The following RUVBL1 variants were observed in gnomAD, a reference collection of about 807,000 sequenced individuals.
RUVBL1 encodes ruvB-like 1.
RUVBL1 carries 4 observed loss-of-function variants against 52.4 expected under a neutral mutation model. That is an observed-to-expected ratio of 0.08 (90% confidence interval 0.04 to 0.17). RUVBL1 has a LOEUF of 0.17. Among genes scored for constraint, RUVBL1 ranks in the 10% least tolerant of loss-of-function variants. The pLI is 1.00. For missense variants in RUVBL1, 298 were observed against 572.8 expected (o/e 0.52, Z 4.90); for synonymous variants, 217 against 214.4 (o/e 1.01, Z -0.10).
chr3:128,085,091 G>A (rs922830478), intron 9 of RUVBL1: 2 of 152,228 alleles, frequency 1.3e-5, no homozygotes, highest in East Asian at 1.9e-4. Context: ...TGGCTATTGC[G>A]AAGCTGTTGT....
chr3:128,143,414 G>A (rs878981766), intron 1 of RUVBL1, among the ~76,000 whole-genome samples: 2 of 151,364 alleles, frequency 1.3e-5, no homozygotes, highest in South Asian at 2.1e-4. Flanking sequence ...CTTGTGATTC[G>A]CCCTTCTCAG....
chr3:128,142,492 T>C (rs1188412868), intron 1 of RUVBL1, among the ~76,000 whole-genome samples: 3 of 152,232 alleles, frequency 2.0e-5, no homozygotes, highest in African/African-American at 7.2e-5. Flanking sequence ...TAAGTGTTTA[T>C]ATTGGTTTCC....
chr3:128,123,974 G>C, upstream of RUVBL1: 3 of 1,190,074 alleles, frequency 2.5e-6, no homozygotes, highest in Non-Finnish European at 3.2e-6. Flanking sequence ...CGTAGCCGGC[G>C]CTTCCTGCCG....
Position 128,082,497 on chromosome 3 carries a change from G to C in RUVBL1, c.1197C>G (p.Thr399=). The change falls in exon 10 of 11, where the codon ACC becomes ACG. Residue 399 remains threonine, a synonymous_variant. Coordinates refer to ENST00000322623, the MANE Select transcript of RUVBL1 (RefSeq NM_003707.3). The surrounding 1 kb of genome is among the most constrained non-coding windows in gnomAD (Gnocchi z 4.7). ...TACCAGCTCACCTCAGTGTGGTCTTGGTGCCAATCTCCCCCAGGTGGTTCA... is the reference window on the plus strand; with the variant it reads ...TACCAGCTCACCTCAGTGTGGTCTTCGTGCCAATCTCCCCCAGGTGGTTCA... ...EALNHLGEIG[T]KTTLRYSVQL... 1.9e-6 allele frequency: 3 copies of C among 1,613,548 alleles called. No individual in the cohort carries two copies. The highest frequency in any genetic ancestry group is 2.5e-6 in the Non-Finnish European group (3 of 1,179,744).
At chr3:128,131,999 G>C (rs547053887) in intron 1 of RUVBL1, among the ~76,000 whole-genome samples, 35 of 152,328 alleles carry the variant, frequency 2.3e-4, no homozygotes, top group South Asian at 2.3e-3. Flanking sequence ...ACTAAAGAGA[G>C]TAGGAAAGAC....
intron 8 of RUVBL1, among the ~76,000 whole-genome samples, chr3:128,091,613 A>G (rs1942842956): frequency 6.6e-6 from 1 of 152,236 alleles, no homozygotes; most frequent in African/African-American, 2.4e-5. Context: ...TACTTCTGGA[A>G]AAGTATCCTA....
intron 3 of RUVBL1, among the ~76,000 whole-genome samples, chr3:128,106,230 CTTACATTAGAATATTGCAAATAAAGG>C (rs1943232230): frequency 6.6e-6 from 1 of 152,152 alleles, no homozygotes; most frequent in South Asian, 2.1e-4. Context: ...TCCAAAGCAC[CTTACATTAGAATATTGCAAATAAAGG>C]TAAATTTCTC....
chr3:128,115,274 T>G (rs143190987), intron 2 of RUVBL1, among the ~76,000 whole-genome samples: 84 of 152,350 alleles, frequency 5.5e-4, no homozygotes, highest in Non-Finnish European at 1.1e-3. Context: ...TTTTTTTTTG[T>G]ACTCACCCCA....
chr3:128,078,372 T>C (rs991614455), downstream of RUVBL1, among the ~76,000 whole-genome samples: 3 of 152,120 alleles, frequency 2.0e-5, no homozygotes, highest in Non-Finnish European at 4.4e-5. Flanking sequence ...ACTGAGAAAA[T>C]GAGGCAGGGC....
chr3:128,094,349 A>C (rs1487181206), intron 8 of RUVBL1, among the ~76,000 whole-genome samples: 1 of 152,202 alleles, frequency 6.6e-6, no homozygotes, highest in East Asian at 1.9e-4. Context: ...GTGAGCGGCA[A>C]GAAGCCGAGA....
intron 1 of RUVBL1, among the ~76,000 whole-genome samples, chr3:128,150,701 CTATATATAT>C (rs1944174975): frequency 8.5e-6 from 1 of 117,130 alleles, no homozygotes; most frequent in Non-Finnish European, 1.6e-5. Flanking sequence ...ATTATATATT[CTATATATAT>C]TCTATATATT....
chr3:128,070,256 C>G (rs917386485), intron 9 of RUVBL1: 9 of 152,390 alleles, frequency 5.9e-5, no homozygotes, highest in African/African-American at 1.9e-4. Flanking sequence ...AGAGGGATGG[C>G]TTTCCCAGAA....
chr3:128,125,116 G>A (rs577232704), upstream of RUVBL1, among the ~76,000 whole-genome samples: 1 of 136,712 alleles, frequency 7.3e-6, no homozygotes, highest in Non-Finnish European at 1.5e-5. Flanking sequence ...CCGGGTTCAC[G>A]CCATTCTCCT....
intron 2 of RUVBL1, among the ~76,000 whole-genome samples, chr3:128,118,773 T>C (rs1943580616): frequency 6.6e-6 from 1 of 152,214 alleles, no homozygotes; most frequent in South Asian, 2.1e-4. Context: ...CCAGCTGCAT[T>C]TAATATTAGT....
chr3:128,082,979 CTG>C lies in RUVBL1; in HGVS notation c.1120-407_1120-406del. On this transcript the variant is annotated intron_variant, in intron 9 of 10. Coordinates refer to ENST00000322623, the MANE Select transcript of RUVBL1 (RefSeq NM_003707.3). The surrounding 1 kb of genome is among the most constrained non-coding windows in gnomAD (Gnocchi z 4.7). ...ACCTTCCTCTCCAGCATGGGCACTA[CTG>C]CCTACAAGCACTCAGGCAAGAAGGG... The C allele has an allele frequency of 1.2e-5, 2 of 164,640 alleles. No homozygotes were observed. The highest frequency in any genetic ancestry group is 3.2e-4 in the South Asian group (2 of 6,334). The allele number at this position is 164,640 out of a possible 1,614,324, so 10.2% of individuals were successfully genotyped here.
chr3:128,100,064 T>C (rs533659366), intron 6 of RUVBL1, among the ~76,000 whole-genome samples: 33 of 152,342 alleles, frequency 2.2e-4, no homozygotes, highest in African/African-American at 7.7e-4. Flanking sequence ...TATTCCCTAA[T>C]AGTGACTATT....
chr3:128,150,141 C>T (rs1944164607), intron 1 of RUVBL1, among the ~76,000 whole-genome samples: 1 of 152,194 alleles, frequency 6.6e-6, no homozygotes. Flanking sequence ...TCCTCCCTTG[C>T]ACCAGTAACT....
chr3:128,123,717 A>G lies in RUVBL1; in HGVS notation c.8T>C (p.Ile3Thr), dbSNP rs1334978340. The change falls in exon 1 of 11, where the codon ATT (isoleucine) becomes ACT (threonine). Residue 3 changes from isoleucine (I) to threonine (T), a missense_variant. By Grantham distance (89) the Ile-to-Thr change is moderately conservative. Around this residue, in one of 5 missense-constraint regions of RUVBL1, gnomAD observed 71 missense variants for 125.7 expected, o/e 0.57. Transcript: ENST00000322623. ...CTTCGTAGTGCTCTTCACCTCCTCA[A>G]TCTTCATTTTGCAGACGCCGGGAGC... Reference protein sequence around the residue: MKIEEVKSTTKTQ... With the variant: MKTEEVKSTTKTQ... 2 of 1,600,312 alleles carry G rather than the reference A, an allele frequency of 1.2e-6. No homozygotes were observed. The highest frequency in any genetic ancestry group is 1.1e-5 in the South Asian group (1 of 90,618).
rs369905521 is a variant in RUVBL1, at chr3:128,104,949, T to C, written c.362-25A>G. ...CCTGGAAGAGGTGGCAGAGGGGCCA[T>C]GGTGAGAAGCAGAATCTTTTCTCTC... On this transcript the variant is annotated intron_variant, in intron 3 of 10. Coordinates refer to ENST00000322623, the MANE Select transcript of RUVBL1 (RefSeq NM_003707.3). The C allele has an allele frequency of 8.2e-6, 13 of 1,585,308 alleles. No individual in the cohort carries two copies. The African/African-American group carries it at 9.4e-5, about 11-fold the overall frequency.
Sources: allele counts gnomAD v4.1 joint callset (sites outside exome capture counted in the v4.1 genomes callset), GRCh38; gene constraint gnomAD v4.1.1; regional missense constraint gnomAD v4.1.1; non-coding constraint Gnocchi (gnomAD v3.1); transcripts MANE v1.5; gene names NCBI Gene and HGNC (gene_info 2026-07-23, HGNC 2026-07-21).